Variants in ITGB3BP observed in about 807,000 individuals in gnomAD.
ITGB3BP encodes the protein integrin subunit beta 3 binding protein, also known as centromere protein R.
In ITGB3BP, 27 loss-of-function variants were observed where a neutral mutation model predicts 29.1. That is an observed-to-expected ratio of 0.93 (90% confidence interval 0.68 to 1.28). ITGB3BP has a LOEUF of 1.28. Ranked by LOEUF, ITGB3BP falls within the 50% of genes most tolerant of loss-of-function variation. The pLI, the probability that ITGB3BP is intolerant of heterozygous loss-of-function variation, is 0.00. For synonymous variants in ITGB3BP, 61 were observed against 61.4 expected, an observed-to-expected ratio of 0.99 and a Z score of 0.03; for missense variants, 192 against 200.2, an observed-to-expected ratio of 0.96 and a Z score of 0.25.
At chr1:63,497,966 T>C (rs990131188) in intron 2 of ITGB3BP, among the ~76,000 whole-genome samples, 1 of 152,102 alleles carries the variant, frequency 6.6e-6, no homozygotes, top group African/African-American at 2.4e-5. Context: ...AATAAATACT[T>C]ATTGGTATTG....
intron 3 of ITGB3BP, 96 bp downstream of exon 3, chr1:63,489,987 A>G: frequency 9.8e-7 from 1 of 1,023,490 alleles, no homozygotes; most frequent in Non-Finnish European, 1.5e-6. Context: ...GAGAAAAATC[A>G]GCTGTAGCAA....
chr1:63,473,483 G>GC (rs765423531), intron 4 of ITGB3BP, among the ~76,000 whole-genome samples: 5 of 134,474 alleles, frequency 3.7e-5, no homozygotes, highest in African/African-American at 1.4e-4. Flanking sequence ...GGGGGGGTCA[G>GC]CCCCCCGCCC....
intron 7 of ITGB3BP, among the ~76,000 whole-genome samples, chr1:63,450,659 C>A (rs1442542573): frequency 1.3e-5 from 2 of 151,912 alleles, no homozygotes; most frequent in Non-Finnish European, 2.9e-5. Context: ...AAATTCACAT[C>A]CAAATCTTAC....
intron 1 of ITGB3BP, among the ~76,000 whole-genome samples, chr1:63,522,330 T>A (rs1646469666): frequency 6.6e-6 from 1 of 152,204 alleles, no homozygotes; most frequent in Non-Finnish European, 1.5e-5. Flanking sequence ...TGCATTTTAC[T>A]TAATCCTGAA....
chr1:63,500,380 A>G lies in ITGB3BP; in HGVS notation c.48+8148T>C, dbSNP rs142750577. ...GCAAAAGAGCAAGACTCTGTCTCAAAACAAAAAAAAAAGAAAATCTCCAAA... is the reference window on the plus strand; with the variant it reads ...GCAAAAGAGCAAGACTCTGTCTCAAGACAAAAAAAAAAGAAAATCTCCAAA... On this transcript the variant is annotated intron_variant, in intron 2 of 8. Coordinates refer to ENST00000271002, the MANE Select transcript of ITGB3BP (RefSeq NM_014288.5). 7.8e-3 allele frequency among the ~76,000 whole-genome samples: 1,187 copies of G among 152,286 alleles called. 12 individuals are homozygous for G. Among genetic ancestry groups the G allele is most frequent in the African/African-American group, 0.026 (1,073 of 41,556 alleles).
rs569760091 is a variant in ITGB3BP at position 63,479,604 on chromosome 1, T to A, written c.185-771A>T. On this transcript the variant is annotated intron_variant, in intron 3 of 8. Transcript: ENST00000271002. ...CAACATGTTCCCAATCACTCGGCCC[T>A]CCCGACCAGCAGAACTTGGTAGTCA... is the stretch of plus-strand genomic sequence containing the variant. Among the ~76,000 whole-genome samples the A allele has an allele frequency of 3.3e-5, 5 of 152,240 alleles. No individual in the cohort carries two copies. The East Asian group carries it at 9.6e-4, about 29-fold the overall frequency.
chr1:63,477,490 GA>G (rs1432894085), intron 4 of ITGB3BP, among the ~76,000 whole-genome samples: 1 of 152,150 alleles, frequency 6.6e-6, no homozygotes, highest in African/African-American at 2.4e-5. Flanking sequence ...AGGCCTGGGC[GA>G]GTGGGTCGCT....
chr1:63,512,980 A>T (rs1646233517), intron 1 of ITGB3BP, among the ~76,000 whole-genome samples: 1 of 152,084 alleles, frequency 6.6e-6, no homozygotes, highest in Non-Finnish European at 1.5e-5. Context: ...ACTATCCCTC[A>T]ATTTGGGCCT....
chr1:63,513,683 CTA>C (rs1646250500), intron 1 of ITGB3BP, among the ~76,000 whole-genome samples: 1 of 152,112 alleles, frequency 6.6e-6, no homozygotes, highest in Non-Finnish European at 1.5e-5. Context: ...TTTTTAAAAA[CTA>C]TGATTTCATA....
In ITGB3BP at chr1:63,446,561, G is replaced by A. The variant is rs928492078; in HGVS notation, c.*1+245C>T. On this transcript the variant is annotated intron_variant, in intron 8 of 8. Coordinates refer to ENST00000271002, the MANE Select transcript of ITGB3BP (RefSeq NM_014288.5). The stretch of plus-strand genomic sequence containing the variant: ...ACTCAGTTAAAAATGTGTCCTCTCT[G>A]ACTTTTAAAGTTAGCGTCGTCAGCT... The A allele has an allele frequency of 1.1e-5, 5 of 466,886 alleles. No individual in the cohort carries two copies. The South Asian group carries it at 1.5e-4, about 14-fold the overall frequency. The allele number at this position is 466,886 out of a possible 1,614,324, so 28.9% of individuals were successfully genotyped here. A position where few individuals can be genotyped will look rare whatever the true frequency, so the allele number is the denominator to read the frequency against.
intron 3 of ITGB3BP, among the ~76,000 whole-genome samples, chr1:63,488,571 C>A (rs9436679): frequency 0.93 from 141,344 of 152,110 alleles, 66,582 homozygotes; most frequent in East Asian, 1. Context: ...AAGTTACTTC[C>A]TAAAAATCAA....
chr1:63,442,199 C>T (rs1644739259), intron 8 of ITGB3BP, among the ~76,000 whole-genome samples: 1 of 108,708 alleles, frequency 9.2e-6, no homozygotes, highest in African/African-American at 4.1e-5. Context: ...GAGAATAATA[C>T]TTCTCAGTCT....
chr1:63,497,204 T>C (rs1443601813), intron 2 of ITGB3BP, among the ~76,000 whole-genome samples: 1 of 151,812 alleles, frequency 6.6e-6, no homozygotes, highest in Non-Finnish European at 1.5e-5. Context: ...ACTCGGGAGG[T>C]TGAGTTGGGA....
chr1:63,452,293 C>T (rs2100494587), intron 7 of ITGB3BP, among the ~76,000 whole-genome samples: 1 of 152,242 alleles, frequency 6.6e-6, no homozygotes, highest in South Asian at 2.1e-4. Context: ...CAAAGGCCAA[C>T]TATATTAAGC....
chr1:63,488,678 TTC>T (rs1380865184), intron 3 of ITGB3BP, among the ~76,000 whole-genome samples: 1 of 152,042 alleles, frequency 6.6e-6, no homozygotes, highest in Non-Finnish European at 1.5e-5. Flanking sequence ...CTGGACAAAA[TTC>T]TGTTTCGAGA....
intron 1 of ITGB3BP, among the ~76,000 whole-genome samples, chr1:63,511,907 T>C (rs1187802538): frequency 6.6e-6 from 1 of 152,090 alleles, no homozygotes; most frequent in Non-Finnish European, 1.5e-5. Flanking sequence ...GTCACTGAAT[T>C]GGACACCTAA....
In ITGB3BP at chr1:63,477,698, C is replaced by A. The variant is rs190251054; in HGVS notation, c.254+1066G>T. 5.4e-5 allele frequency among the ~76,000 whole-genome samples: 8 copies of A among 147,592 alleles called. No individual in the cohort carries two copies. The East Asian group carries it at 1.4e-3, about 26-fold the overall frequency. The stretch of plus-strand genomic sequence containing the variant: ...TCACACCATTGTGCTCCAGGCTGGG[C>A]AACAGAGTGAGACAATCAGGGAAAA... On this transcript the variant is annotated intron_variant, in intron 4 of 8. Transcript: ENST00000271002.
At position 63,440,907 on chromosome 1, in the gene ITGB3BP, T is replaced by A. The variant is rs1644721395; in HGVS notation, c.*198A>T. 6.6e-6 allele frequency: 1 copy of A among 152,618 alleles called. No individual in the cohort carries two copies. The highest frequency in any genetic ancestry group is 6.5e-5 in the Admixed American group (1 of 15,278). The allele number at this position is 152,618 out of a possible 1,614,324, so 9.5% of individuals were successfully genotyped here. ...AAAGAGCCAAGAAGAAATGTATTATTTACATTGAGATTATCTACTGGTGCG... is the reference window on the plus strand; with the variant it reads ...AAAGAGCCAAGAAGAAATGTATTATATACATTGAGATTATCTACTGGTGCG... On this transcript the variant is annotated 3_prime_UTR_variant, in exon 9 of 9. Transcript: ENST00000271002.
upstream of ITGB3BP, chr1:63,523,282 C>G: frequency 9.9e-7 from 1 of 1,008,940 alleles, no homozygotes; most frequent in Non-Finnish European, 1.5e-6. Flanking sequence ...GAAACATCCT[C>G]CCCGCGACGA....
Sources: allele counts gnomAD v4.1 joint callset (sites outside exome capture counted in the v4.1 genomes callset), GRCh38; gene constraint gnomAD v4.1.1; transcripts MANE v1.5; gene names NCBI Gene and HGNC (gene_info 2026-07-23, HGNC 2026-07-21).